The following NFIA variants were observed in gnomAD, a reference collection of about 807,000 sequenced individuals.
NFIA encodes nuclear factor 1 A-type.
NFIA carries 8 observed loss-of-function variants against 62.8 expected under a neutral mutation model. The ratio of observed to expected loss-of-function variants is 0.13; its 90% CI spans 0.07 to 0.23. The LOEUF is 0.23. Ranked by LOEUF, NFIA falls within the 10% of genes least tolerant of loss-of-function variation. The pLI is 1.00. For synonymous variants in NFIA, 235 were observed against 238.1 expected (o/e 0.99, Z 0.12); for missense variants, 410 against 642.1 (o/e 0.64, Z 3.91).
chr1:61,273,401 C>G (rs911812590), intron 2 of NFIA, among the ~76,000 whole-genome samples: 4 of 152,108 alleles, frequency 2.6e-5, no homozygotes, highest in Non-Finnish European at 4.4e-5. Flanking sequence ...ATTTCCAAAC[C>G]ACTCACAAAC....
At chr1:61,276,501 T>C (rs1333613210) in intron 2 of NFIA, among the ~76,000 whole-genome samples, 1 of 152,226 alleles carries the variant, frequency 6.6e-6, no homozygotes, top group Non-Finnish European at 1.5e-5. Flanking sequence ...ATGCAAGCTC[T>C]CCGCAGATAC....
At chr1:61,397,258 A>T (rs532083895) in intron 7 of NFIA, among the ~76,000 whole-genome samples, 1 of 152,178 alleles carries the variant, frequency 6.6e-6, no homozygotes, top group Non-Finnish European at 1.5e-5. Flanking sequence ...TTAGATATCT[A>T]TGGTATCTAT....
At chr1:61,268,281 A>T (rs1390825015) in intron 2 of NFIA, among the ~76,000 whole-genome samples, 2 of 152,144 alleles carry the variant, frequency 1.3e-5, no homozygotes, top group Non-Finnish European at 2.9e-5. Flanking sequence ...TCTTACTCCT[A>T]TCCTTTCACA....
At chr1:61,159,514 C>G (rs1026796662) in intron 2 of NFIA, among the ~76,000 whole-genome samples, 4 of 152,066 alleles carry the variant, frequency 2.6e-5, no homozygotes, top group Non-Finnish European at 5.9e-5. Flanking sequence ...CTGACCACAC[C>G]CTGAGTAGCA....
intron 10 of NFIA, among the ~76,000 whole-genome samples, chr1:61,440,772 G>A (rs974812370): frequency 1.3e-5 from 2 of 151,636 alleles, no homozygotes; most frequent in African/African-American, 4.8e-5. Flanking sequence ...GGATTTTTAT[G>A]AAGAGGGAAG....
intron 2 of NFIA, among the ~76,000 whole-genome samples, chr1:61,242,515 T>G (rs1655407288): frequency 6.6e-6 from 1 of 152,212 alleles, no homozygotes; most frequent in Non-Finnish European, 1.5e-5. Context: ...AGTACTAAAC[T>G]AAGTTGAAAA....
At chr1:61,286,397 C>T (rs1003911524) in intron 3 of NFIA, among the ~76,000 whole-genome samples, 9 of 142,772 alleles carry the variant, frequency 6.3e-5, no homozygotes, top group Non-Finnish European at 1.3e-4. Context: ...CACTGCACTC[C>T]AGCCTGGGTG....
intron 6 of NFIA, 45 bp from the exon 7 acceptor site, chr1:61,383,192 G>T (rs1664505907): frequency 6.2e-7 from 1 of 1,605,664 alleles, no homozygotes; most frequent in Non-Finnish European, 8.5e-7. Flanking sequence ...ACAAATCATT[G>T]TTCCATGAAT....
chr1:61,095,591 T>A (rs1278371837), intron 2 of NFIA, among the ~76,000 whole-genome samples: 2 of 152,216 alleles, frequency 1.3e-5, no homozygotes, highest in African/African-American at 4.8e-5. Flanking sequence ...GATATTTCAC[T>A]GTCAAATTCA....
intron 2 of NFIA, among the ~76,000 whole-genome samples, chr1:61,264,166 T>C (rs1038260864): frequency 2.6e-5 from 4 of 152,120 alleles, no homozygotes; most frequent in African/African-American, 9.7e-5. Context: ...TAATCAATAG[T>C]CATTCTTTAG....
At chr1:61,138,336 T>A (rs1451096525) in intron 2 of NFIA, among the ~76,000 whole-genome samples, 1 of 152,154 alleles carries the variant, frequency 6.6e-6, no homozygotes, top group African/African-American at 2.4e-5. Flanking sequence ...ACTCAAGTGA[T>A]GCTCCTGCCT....
At chr1:61,230,849 G>A (rs765296884) in intron 2 of NFIA, among the ~76,000 whole-genome samples, 12 of 152,142 alleles carry the variant, frequency 7.9e-5, no homozygotes, top group Non-Finnish European at 1.5e-4. Flanking sequence ...GGGCCATTGC[G>A]TCTTCTGGTT....
chr1:61,303,404 G>A (rs1001897218), intron 3 of NFIA, among the ~76,000 whole-genome samples: 3 of 152,140 alleles, frequency 2.0e-5, no homozygotes, highest in African/African-American at 7.2e-5. Context: ...ATGATAATAA[G>A]TGCTATGGAG....
chr1:61,271,064 T>C (rs973986604), intron 2 of NFIA, among the ~76,000 whole-genome samples: 2 of 152,230 alleles, frequency 1.3e-5, no homozygotes, highest in Non-Finnish European at 2.9e-5. Flanking sequence ...TTACTTGAAA[T>C]TCAGCCTCAT....
At chr1:61,268,417 C>T (rs1246402546) in intron 2 of NFIA, among the ~76,000 whole-genome samples, 1 of 151,720 alleles carries the variant, frequency 6.6e-6, no homozygotes, top group Non-Finnish European at 1.5e-5. Context: ...CCTGCCCCCA[C>T]CCCCCGACAC....
At chr1:61,368,372 C>T (rs555626279) in intron 6 of NFIA, among the ~76,000 whole-genome samples, 58 of 152,228 alleles carry the variant, frequency 3.8e-4, no homozygotes, top group African/African-American at 1.3e-3. Flanking sequence ...ATTCCAACCA[C>T]AGCAATCTTC....
intron 2 of NFIA, among the ~76,000 whole-genome samples, chr1:61,264,600 G>A (rs1657024103): frequency 7.4e-6 from 1 of 134,538 alleles, no homozygotes; most frequent in Non-Finnish European, 1.5e-5. Context: ...GCAGTGAGCC[G>A]AGATCGCACC....
At chr1:61,143,029 C>T (rs993731669) in intron 2 of NFIA, among the ~76,000 whole-genome samples, 1 of 152,136 alleles carries the variant, frequency 6.6e-6, no homozygotes, top group Non-Finnish European at 1.5e-5. Flanking sequence ...CCTGGCTTCA[C>T]CTGTTTACAT....
At chr1:61,249,978 T>A (rs1183960298) in intron 2 of NFIA, 1 of 152,188 alleles carries the variant, frequency 6.6e-6, no homozygotes, top group African/African-American at 2.4e-5. Context: ...ATGCAGTTCC[T>A]TTTCTAGGAA....
Sources: allele counts gnomAD v4.1 joint callset (sites outside exome capture counted in the v4.1 genomes callset), GRCh38; gene constraint gnomAD v4.1.1; transcripts MANE v1.5; gene names NCBI Gene and HGNC (gene_info 2026-07-23, HGNC 2026-07-21).